The following TOR3A variants were observed in gnomAD, a reference collection of about 807,000 sequenced individuals.
TOR3A encodes the protein torsin-3A.
Under a neutral mutation model 42.1 loss-of-function variants are expected in TOR3A, and 44 were observed. That is an observed-to-expected ratio of 1.04 (90% CI 0.82 to 1.34). The LOEUF (loss-of-function observed/expected upper bound fraction) is 1.34. Among genes scored for constraint, TOR3A ranks in the 40% most tolerant of loss-of-function variants. The pLI, the probability that TOR3A is intolerant of heterozygous loss-of-function variation, is 0.00. For synonymous variants in TOR3A, 227 were observed against 213.2 expected (o/e 1.06, Z -0.57); for missense variants, 521 against 507.6 (o/e 1.03, Z -0.25).
At position 179,094,226 on chromosome 1, in the gene TOR3A, C is replaced by G; in HGVS notation, c.943+9C>G. 1 of 1,610,022 alleles carries G rather than the reference C, an allele frequency of 6.2e-7. No homozygotes were observed. The highest frequency in any genetic ancestry group is 1.1e-5 in the South Asian group (1 of 90,240). On this transcript the variant is annotated intron_variant, in intron 5 of 5. Coordinates refer to ENST00000367627, the MANE Select transcript of TOR3A (RefSeq NM_022371.4). ...GATTGTGGAGACCATAGGTGAGTAA[C>G]TGACTCAATATGCCTCTGGTGAGAG...
Position 179,095,952 on chromosome 1 carries a change from T to C in TOR3A, c.*734T>C, listed in dbSNP as rs1380692442. 9.1e-6 allele frequency: 9 copies of C among 985,136 alleles called. No individual in the cohort carries two copies. The highest frequency in any genetic ancestry group is 1.7e-5 in the African/African-American group (1 of 57,186). The allele number at this position is 985,136 out of a possible 1,614,324, so 61.0% of individuals were successfully genotyped here. ...ACAATAGGGGGTCTTGACATGTTTG[T>C]TGTATGTAAAGATGATAAGATTAAA... On this transcript the variant is annotated 3_prime_UTR_variant, in exon 6 of 6. Transcript: ENST00000367627.
chr1:179,082,192 G>A lies in TOR3A; in HGVS notation c.64G>A (p.Glu22Lys). 2 of 1,504,824 alleles carry A rather than the reference G, an allele frequency of 1.3e-6. No individual in the cohort carries two copies. The highest frequency in any genetic ancestry group is 2.9e-5 in the African/African-American group (2 of 69,110). 93.2% of individuals were successfully genotyped at this position (1,504,824 alleles called of 1,614,324 possible). ...FFLLLLPGAP[E>K]PRGASRPWEG... ...CCTGCTGCTGCTCCCGGGCGCGCCT[G>A]AGCCCCGCGGCGCCTCCAGGCCGTG... The change falls in exon 1 of 6, where the codon GAG becomes AAG. Residue 22 changes from glutamate to lysine, a missense_variant. Physicochemically the swap from Glu to Lys is moderately conservative, Grantham distance 56 (BLOSUM62 1). Transcript: ENST00000367627.
chr1:179,095,449 T>C lies in TOR3A; in HGVS notation c.*231T>C. 2.2e-6 allele frequency: 3 copies of C among 1,386,054 alleles called. No individual in the cohort carries two copies. The highest frequency in any genetic ancestry group is 2.8e-6 in the Non-Finnish European group (3 of 1,073,324). The allele number at this position is 1,386,054 out of a possible 1,614,324, so 85.9% of individuals were successfully genotyped here. A position where few individuals can be genotyped will look rare whatever the true frequency, so the allele number is the denominator to read the frequency against. On this transcript the variant is annotated 3_prime_UTR_variant, in exon 6 of 6. Coordinates refer to ENST00000367627, the MANE Select transcript of TOR3A (RefSeq NM_022371.4). Reference sequence around the variant, plus strand: ...CGAGATAGATAGGAACTTGGATTGCTGAATTCAAAAACAGAGCCCATTCTT... The same window carrying C: ...CGAGATAGATAGGAACTTGGATTGCCGAATTCAAAAACAGAGCCCATTCTT...
In TOR3A at chr1:179,095,649, T is replaced by A; in HGVS notation, c.*431T>A. The A allele has an allele frequency of 9.8e-7, 1 of 1,025,128 alleles. No individual in the cohort carries two copies. The highest frequency in any genetic ancestry group is 1.2e-6 in the Non-Finnish European group (1 of 854,584). 63.5% of individuals were successfully genotyped at this position (1,025,128 alleles called of 1,614,324 possible). A position where few individuals can be genotyped will look rare whatever the true frequency, so the allele number is the denominator to read the frequency against. On this transcript the variant is annotated 3_prime_UTR_variant, in exon 6 of 6. Coordinates refer to ENST00000367627, the MANE Select transcript of TOR3A (RefSeq NM_022371.4). The stretch of plus-strand genomic sequence containing the variant: ...CTTCTGCAAGGAAGAGCTTGGGTGT[T>A]AGGCCTCAGAGGCTGTAGGGTCCTT...
chr1:179,083,497 A>G (rs1652347329), intron 2 of TOR3A, among the ~76,000 whole-genome samples: 1 of 146,306 alleles, frequency 6.8e-6, no homozygotes, highest in East Asian at 2.1e-4. Flanking sequence ...GGTTCAAGCA[A>G]TTTTCCTGCC....
At position 179,083,594 on chromosome 1, in the gene TOR3A, G is replaced by T. The variant is rs960942401; in HGVS notation, c.373+541G>T. Among the ~76,000 whole-genome samples, 34 of 125,784 alleles carry T rather than the reference G, an allele frequency of 2.7e-4. 5 individuals are homozygous for T. The South Asian group carries it at 0.01, about 38-fold the overall frequency. The allele number at this position is 125,784 out of a possible 152,430, so 82.5% of individuals were successfully genotyped here. ...TTTTAGTAGAGGCGGGGGGGGGGGG[G>T]GGGGGCGGGTTTCACCATGTTGGCC... is the stretch of plus-strand genomic sequence containing the variant. On this transcript the variant is annotated intron_variant, in intron 2 of 5. Transcript: ENST00000367627.
In TOR3A at chr1:179,082,118, C is replaced by G. The variant is rs1478616911; in HGVS notation, c.-11C>G. The G allele has an allele frequency of 6.8e-7, 1 of 1,472,970 alleles. No homozygotes were observed. The highest frequency in any genetic ancestry group is 2.7e-5 in the East Asian group (1 of 36,406). The allele number at this position is 1,472,970 out of a possible 1,614,324, so 91.2% of individuals were successfully genotyped here. On this transcript the variant is annotated 5_prime_UTR_variant, in exon 1 of 6. Transcript: ENST00000367627. ...CCGGCAGCCGGATGGTCCCGCAGCTCGGGGCCGGCCATGCTTCGCGGTCCG... is the reference window on the plus strand; with the variant it reads ...CCGGCAGCCGGATGGTCCCGCAGCTGGGGGCCGGCCATGCTTCGCGGTCCG...
chr1:179,095,381 T>A lies in TOR3A; in HGVS notation c.*163T>A. 6.8e-7 allele frequency: 1 copy of A among 1,477,702 alleles called. No homozygotes were observed. The allele number at this position is 1,477,702 out of a possible 1,614,324, so 91.5% of individuals were successfully genotyped here. A position where few individuals can be genotyped will look rare whatever the true frequency, so the allele number is the denominator to read the frequency against. On this transcript the variant is annotated 3_prime_UTR_variant, in exon 6 of 6. Coordinates refer to ENST00000367627, the MANE Select transcript of TOR3A (RefSeq NM_022371.4). ...GGTGTGTAAAAGGCAGGCCTTACAT[T>A]AGAAGCCAAGCCAATCCTTTTTCTT... is the stretch of plus-strand genomic sequence containing the variant.
intron 3 of TOR3A, among the ~76,000 whole-genome samples, chr1:179,087,329 C>G (rs766848785): frequency 1.8e-4 from 28 of 152,164 alleles, no homozygotes; most frequent in Non-Finnish European, 3.5e-4. Context: ...CCCCTGAGAT[C>G]TCGGCCCAGC....
At chr1:179,094,696 T>G (rs540644450) in intron 5 of TOR3A, among the ~76,000 whole-genome samples, 1 of 151,950 alleles carries the variant, frequency 6.6e-6, no homozygotes, top group Non-Finnish European at 1.5e-5. Context: ...CTGGCCAACA[T>G]AGTGAAACCC....
chr1:179,085,011 A>G (rs1333280753), intron 2 of TOR3A, among the ~76,000 whole-genome samples: 2 of 152,248 alleles, frequency 1.3e-5, no homozygotes, highest in Non-Finnish European at 2.9e-5. Context: ...GCCTCAGGAC[A>G]TGGGGGACAG....
chr1:179,086,859 T>A (rs1442204829), intron 3 of TOR3A, among the ~76,000 whole-genome samples: 2 of 152,224 alleles, frequency 1.3e-5, no homozygotes, highest in Non-Finnish European at 2.9e-5. Context: ...CAGAATTGAC[T>A]GCACCTGTCT....
intron 5 of TOR3A, 73 bp from the exon 6 acceptor site, chr1:179,094,895 C>G: frequency 1.4e-6 from 2 of 1,473,652 alleles, no homozygotes; most frequent in Non-Finnish European, 1.9e-6. Context: ...CCAACAGCAA[C>G]CCCCACCCCC....
intron 2 of TOR3A, 45 bp from the exon 3 acceptor site, chr1:179,085,583 G>C: frequency 6.2e-7 from 1 of 1,602,292 alleles, no homozygotes. Flanking sequence ...TGGTGGATGG[G>C]CCTGTGTGTG....
At chr1:179,087,498 C>T (rs2102543398) in intron 3 of TOR3A, among the ~76,000 whole-genome samples, 1 of 152,298 alleles carries the variant, frequency 6.6e-6, no homozygotes, top group East Asian at 1.9e-4. Flanking sequence ...GGAAGTTGCG[C>T]CTGGATGTTT....
At chr1:179,082,469 C>A in intron 1 of TOR3A, 82 bp downstream of exon 1, 2 of 1,484,464 alleles carry the variant, frequency 1.3e-6, no homozygotes, top group South Asian at 1.4e-5. Flanking sequence ...TCGCTCCTGT[C>A]CGGGGCGACA....
At chr1:179,085,455 A>G in intron 2 of TOR3A, 173 bp from the exon 3 acceptor site, 1 of 753,418 alleles carries the variant, frequency 1.3e-6, no homozygotes, top group South Asian at 1.8e-5. Flanking sequence ...TAGTCCTTGA[A>G]TCCCTTCTGC....
intron 5 of TOR3A, 69 bp downstream of exon 5, chr1:179,094,286 T>C: frequency 6.5e-7 from 1 of 1,545,000 alleles, no homozygotes; most frequent in Non-Finnish European, 8.7e-7. Context: ...TTTGTTGGAA[T>C]GTGTGTTTAT....
chr1:179,082,963 C>A lies in TOR3A; in HGVS notation c.283C>A (p.Gln95Lys). 6.3e-7 allele frequency: 1 copy of A among 1,582,636 alleles called. No individual in the cohort carries two copies. Among genetic ancestry groups the A allele is most frequent in the Non-Finnish European group, 8.6e-7 (1 of 1,164,896 alleles). Reference protein sequence around the residue: ...PLGWRLPLLGQRYLDLLTTWY... With the variant: ...PLGWRLPLLGKRYLDLLTTWY... ...AGGCTGGCGCCTTCCTCTGTTGGGCCAGCGGTACCTGGACCTCCTGACCAC... is the reference window on the plus strand; with the variant it reads ...AGGCTGGCGCCTTCCTCTGTTGGGCAAGCGGTACCTGGACCTCCTGACCAC... The change falls in exon 2 of 6, where the codon CAG (glutamine) becomes AAG (lysine). Residue 95 changes from glutamine (Q) to lysine (K), a missense_variant. Physicochemically the swap from Gln to Lys is moderately conservative, Grantham distance 53. Transcript: ENST00000367627.
Sources: gnomAD v4.1 joint callset for allele counts (sites outside exome capture counted in the v4.1 genomes callset) on GRCh38, gnomAD v4.1.1 for gene constraint, MANE v1.5 for transcripts, NCBI Gene and HGNC (gene_info 2026-07-23, HGNC 2026-07-21) for gene names.